GSE1: variants seen among roughly 807,000 people sequenced by gnomAD.
GSE1 encodes Gse1 coiled-coil protein.
Under a neutral mutation model 112.6 loss-of-function variants are expected in GSE1, and 32 were observed. The ratio of observed to expected loss-of-function variants is 0.28; its 90% CI spans 0.21 to 0.38. GSE1 has a LOEUF of 0.38. Ranked by LOEUF, GSE1 falls within the 10% of genes least tolerant of loss-of-function variation. The pLI is 1.00. For synonymous variants in GSE1, 1,115 were observed against 735.6 expected (o/e 1.52, Z -8.35); for missense variants, 2,348 against 1,699.2 (o/e 1.38, Z -6.71).
chr16:85,442,415 G>A (rs2049397471), intron 2 of GSE1, among the ~76,000 whole-genome samples: 1 of 150,230 alleles, frequency 6.7e-6, no homozygotes, highest in African/African-American at 2.5e-5. Flanking sequence ...CCAGCAGGTG[G>A]TGGACAAATG....
intron 2 of GSE1, among the ~76,000 whole-genome samples, chr16:85,382,691 T>A (rs2047575114): frequency 6.6e-6 from 1 of 152,048 alleles, no homozygotes; most frequent in Admixed American, 6.6e-5. Context: ...CCCCAGGCCA[T>A]CAAGAGCATG....
intron 3 of GSE1, among the ~76,000 whole-genome samples, chr16:85,653,486 G>C (rs1237708688): frequency 2.0e-5 from 3 of 150,764 alleles, no homozygotes; most frequent in African/African-American, 7.3e-5. Context: ...TGGGCTTTGG[G>C]CCACTGCCTC....
At chr16:85,216,610 C>CT (rs1228788005) in intron 1 of GSE1, among the ~76,000 whole-genome samples, 6 of 152,210 alleles carry the variant, frequency 3.9e-5, no homozygotes, top group African/African-American at 1.4e-4. Flanking sequence ...TGGTACTTTT[C>CT]TTATCTCCCT....
chr16:85,230,245 A>G (rs897582935), intron 1 of GSE1, among the ~76,000 whole-genome samples: 5 of 152,114 alleles, frequency 3.3e-5, no homozygotes, highest in African/African-American at 1.2e-4. Flanking sequence ...TTGTAACCTC[A>G]TTGTTTGTGT....
intron 1 of GSE1, among the ~76,000 whole-genome samples, chr16:85,320,201 C>A (rs1218641444): frequency 6.6e-6 from 1 of 152,218 alleles, no homozygotes; most frequent in Admixed American, 6.5e-5. Context: ...GCAGAGTGGG[C>A]AGCCGTGGCC....
chr16:85,315,930 G>C (rs1047219275), intron 1 of GSE1, among the ~76,000 whole-genome samples: 1 of 119,662 alleles, frequency 8.4e-6, no homozygotes, highest in Admixed American at 7.9e-5. Context: ...CCTAGTGGGA[G>C]GGGGGGTGAA....
At chr16:85,221,512 A>G (rs1037396777) in intron 1 of GSE1, among the ~76,000 whole-genome samples, 14 of 152,080 alleles carry the variant, frequency 9.2e-5, no homozygotes, top group South Asian at 6.2e-4. Flanking sequence ...CCACATCCCT[A>G]TCCCTCTACA....
intron 1 of GSE1, among the ~76,000 whole-genome samples, chr16:85,277,262 G>T (rs1379773350): frequency 2.6e-5 from 4 of 152,172 alleles, no homozygotes; most frequent in African/African-American, 9.7e-5. Flanking sequence ...CTGGGGTTCT[G>T]GCCAGTGCCT....
chr16:85,413,823 G>C (rs1254265554), intron 2 of GSE1, among the ~76,000 whole-genome samples: 2 of 152,162 alleles, frequency 1.3e-5, no homozygotes, highest in Non-Finnish European at 2.9e-5. Flanking sequence ...AGAGACACCT[G>C]GTGGGAGGTG....
intron 2 of GSE1, among the ~76,000 whole-genome samples, chr16:85,485,395 C>T (rs1023779127): frequency 4.6e-5 from 7 of 152,214 alleles, no homozygotes; most frequent in Non-Finnish European, 1.0e-4. Flanking sequence ...GTGGGGAGCC[C>T]TGTCCTCCTC....
chr16:85,648,728 G>T lies in GSE1; in HGVS notation c.403G>T (p.Val135Phe). The change falls in exon 3 of 16, where the codon GTC (valine) becomes TTC (phenylalanine). Residue 135 changes from valine to phenylalanine, a missense_variant. Physicochemically the swap from Val to Phe is conservative, Grantham distance 50. Transcript: ENST00000253458. ...TIAPTKTVNG[V>F]WRSESRQDAG... ...CGCTCCAACCAAAACCGTGAATGGT[G>T]TCTGGAGGAGTGAGAGCCGGCAGGT... 1 of 1,596,730 alleles carries T rather than the reference G, an allele frequency of 6.3e-7. No homozygotes were observed. Among genetic ancestry groups the T allele is most frequent in the Non-Finnish European group, 8.5e-7 (1 of 1,172,600 alleles).
chr16:85,182,686 T>C (rs547062399), intron 1 of GSE1, among the ~76,000 whole-genome samples: 1 of 152,202 alleles, frequency 6.6e-6, no homozygotes, highest in East Asian at 1.9e-4. Context: ...GGCCTGTCTT[T>C]AGGGTTTAAG....
At chr16:85,605,491 G>A (rs539075405) in intron 1 of GSE1, among the ~76,000 whole-genome samples, 1 of 152,052 alleles carries the variant, frequency 6.6e-6, no homozygotes, top group African/African-American at 2.4e-5. Flanking sequence ...CTCCAGCTTC[G>A]TCCCAGGCAC....
intron 1 of GSE1, among the ~76,000 whole-genome samples, chr16:85,257,358 G>T (rs1038197870): frequency 4.6e-5 from 7 of 152,132 alleles, no homozygotes; most frequent in Non-Finnish European, 7.3e-5. Flanking sequence ...TGATCCTCCT[G>T]CCTCGGCCTC....
intron 1 of GSE1, among the ~76,000 whole-genome samples, chr16:85,349,557 C>T (rs2046811038): frequency 6.6e-6 from 1 of 152,070 alleles, no homozygotes; most frequent in South Asian, 2.1e-4. Context: ...CTCTGGCCAG[C>T]CCGGGAGGTG....
At chr16:85,515,570 C>T (rs1342898315) in intron 2 of GSE1, among the ~76,000 whole-genome samples, 1 of 149,816 alleles carries the variant, frequency 6.7e-6, no homozygotes, top group Admixed American at 6.7e-5. Flanking sequence ...TCTGAGGACC[C>T]TGGGGCGCCA....
intron 2 of GSE1, among the ~76,000 whole-genome samples, chr16:85,429,526 G>A (rs2049070216): frequency 6.6e-6 from 1 of 152,184 alleles, no homozygotes; most frequent in African/African-American, 2.4e-5. Flanking sequence ...GAACCTTCCT[G>A]TGGCTCCCAT....
intron 2 of GSE1, among the ~76,000 whole-genome samples, chr16:85,541,926 A>G (rs139351224): frequency 7.7e-4 from 118 of 152,360 alleles, no homozygotes; most frequent in African/African-American, 2.6e-3. Context: ...CTGTCTGGGC[A>G]TCAGGGGAGT....
intron 1 of GSE1, among the ~76,000 whole-genome samples, chr16:85,216,532 CT>C (rs1393624342): frequency 1.3e-5 from 2 of 152,152 alleles, no homozygotes; most frequent in Non-Finnish European, 2.9e-5. Flanking sequence ...AATAGAAAAA[CT>C]TTAGCTTACC....
Sources: allele counts gnomAD v4.1 joint callset (sites outside exome capture counted in the v4.1 genomes callset), GRCh38; gene constraint gnomAD v4.1.1; transcripts MANE v1.5; gene names NCBI Gene and HGNC (gene_info 2026-07-23, HGNC 2026-07-21).